Variants in ZNF335 observed in about 807,000 individuals in gnomAD.
ZNF335 encodes the protein zinc finger protein 335.
Under a neutral mutation model 145.6 loss-of-function variants are expected in ZNF335, and 84 were observed. The observed-to-expected ratio is 0.58, with a 90% CI of 0.48 to 0.69. ZNF335 has a LOEUF of 0.69. Ranked by LOEUF, ZNF335 falls within the 30% of genes least tolerant of loss-of-function variation. The probability of loss-of-function intolerance (pLI) is 0.00; values close to 1 mark genes in which losing one functional copy is unlikely to be tolerated. For synonymous variants in ZNF335, 761 were observed against 717.0 expected (o/e 1.06, Z -0.98); for missense variants, 1,865 against 1,809.7 (o/e 1.03, Z -0.55).
intron 20 of ZNF335, among the ~76,000 whole-genome samples, chr20:45,951,646 CT>C (rs1458745461): frequency 6.6e-6 from 1 of 152,256 alleles, no homozygotes; most frequent in African/African-American, 2.4e-5. Flanking sequence ...ACTAATGCAG[CT>C]GCTGTGACAG....
Position 45,962,129 on chromosome 20 carries a change from G to C in ZNF335, c.1587C>G (p.Ser529Arg). 6.2e-7 allele frequency: 1 copy of C among 1,612,370 alleles called. No individual in the cohort carries two copies. The change falls in exon 10 of 28, where the codon AGC becomes AGG. Residue 529 changes from serine to arginine, a missense_variant. Ser to Arg is a moderately radical substitution (Grantham distance 110). Coordinates refer to ENST00000322927, the MANE Select transcript of ZNF335 (RefSeq NM_022095.4). ...GSKPYKCDEC[S>R]YTSVYRKDVI... ...CGTCCTTCCGGTAGACACTGGTGTA[G>C]CTGCACTCGTCACACTTGTAGGGCT...
chr20:45,966,590 G>T (rs529250146), intron 6 of ZNF335, among the ~76,000 whole-genome samples: 1 of 146,160 alleles, frequency 6.8e-6, no homozygotes, highest in African/African-American at 2.6e-5. Context: ...TTGCTCTGTC[G>T]CCCAGGCTGG....
rs74424749 is a variant in ZNF335, at chr20:45,962,197, A to G, written c.1534-15T>C. On this transcript the variant is annotated splice_polypyrimidine_tract_variant and intron_variant, in intron 9 of 27. Transcript: ENST00000322927. Reference sequence around the variant, plus strand: ...AACATGTGCTCCTGGGAGACAGACAAAAGGATGGTGGGCTGGGGCTTGGCC... The same window carrying G: ...AACATGTGCTCCTGGGAGACAGACAGAAGGATGGTGGGCTGGGGCTTGGCC... 1.2e-6 allele frequency: 2 copies of G among 1,609,190 alleles called. No homozygotes were observed. Among genetic ancestry groups the G allele is most frequent in the African/African-American group, 2.7e-5 (2 of 74,938 alleles).
At position 45,971,117 on chromosome 20, in the gene ZNF335, A is replaced by T. The variant is rs1600555104; in HGVS notation, c.201+93T>A. ...TCACAGTAAACCAGAAACACCAAGTATTAGCTACAAACAAGCCTTGTTTCC... is the reference window on the plus strand; with the variant it reads ...TCACAGTAAACCAGAAACACCAAGTTTTAGCTACAAACAAGCCTTGTTTCC... On this transcript the variant is annotated intron_variant, in intron 2 of 27. Transcript: ENST00000322927. 5.6e-6 allele frequency: 8 copies of T among 1,436,438 alleles called. No individual in the cohort carries two copies. In the South Asian group the frequency reaches 1.2e-4, roughly 21 times the overall value. The allele number at this position is 1,436,438 out of a possible 1,614,324, so 89.0% of individuals were successfully genotyped here. A position where few individuals can be genotyped will look rare whatever the true frequency, so the allele number is the denominator to read the frequency against.
At position 45,963,603 on chromosome 20, in the gene ZNF335, C is replaced by T. The variant is rs200688965; in HGVS notation, c.1403G>A (p.Arg468His). 6.2e-5 allele frequency: 100 copies of T among 1,614,178 alleles called. No homozygotes were observed. In the African/African-American group the frequency reaches 1.0e-3, roughly 16 times the overall value. Residue 468 changes from arginine (R) to histidine (H), a missense_variant, in exon 9 of 28, where the codon CGC (arginine) becomes CAC (histidine). Physicochemically the swap from Arg to His is conservative, Grantham distance 29. Transcript: ENST00000322927. ...PKPLLRPFLC[R>H]ICGSRFLSHE... ...GGACAGAAAGCGAGAACCACAGATG[C>T]GGCACAGGAAGGGCCTCAAAAGTGG...
intron 6 of ZNF335, chr20:45,966,725 G>A: frequency 6.6e-6 from 1 of 151,306 alleles, no homozygotes; most frequent in East Asian, 2.0e-4. Context: ...CTAATTTTTT[G>A]TATTTTTAGT....
Position 45,950,240 on chromosome 20 carries a change from C to T in ZNF335, c.3466G>A (p.Glu1156Lys), listed in dbSNP as rs138861551. ...TCACTGTGCAGGGTGGCCAGTGTTTCGTCATCACTGTTCAGGATGATGGTC... is the reference window on the plus strand; with the variant it reads ...TCACTGTGCAGGGTGGCCAGTGTTTTGTCATCACTGTTCAGGATGATGGTC... ...TQTIILNSDD[E>K]TLATLHTALQ... The change falls in exon 22 of 28, where the codon GAA (glutamate) becomes AAA (lysine). Residue 1156 changes from glutamate (E) to lysine (K), a missense_variant. Coordinates refer to ENST00000322927, the MANE Select transcript of ZNF335 (RefSeq NM_022095.4). The T allele has an allele frequency of 2.1e-5, 32 of 1,546,796 alleles. No homozygotes were observed. The Middle Eastern group carries it at 8.9e-4, about 43-fold the overall frequency.
chr20:45,967,422 T>TC, intron 6 of ZNF335, 72 bp downstream of exon 6: 1 of 1,612,472 alleles, frequency 6.2e-7, no homozygotes. Context: ...TTACTGGCCC[T>TC]CCAAGTGAAA....
Position 45,949,068 on chromosome 20 carries a change from G to C in ZNF335, c.3914C>G (p.Ala1305Gly). 1.9e-6 allele frequency: 3 copies of C among 1,613,758 alleles called. No individual in the cohort carries two copies. The highest frequency in any genetic ancestry group is 1.3e-5 in the African/African-American group (1 of 75,070). ...CAGGCCCTGGGCTTGGGCCATGGCA[G>C]CATCAGCCACTGCTGCCAGGGGAGG... is the stretch of plus-strand genomic sequence containing the variant. Reference protein sequence around the residue: ...AHSAVTAVADAAMAQAQGLFG... With the variant: ...AHSAVTAVADGAMAQAQGLFG... The change falls in exon 28 of 28, where the codon GCT becomes GGT. Residue 1305 changes from alanine (A) to glycine (G), a missense_variant. Transcript: ENST00000322927.
chr20:45,972,010 C>A, intron 1 of ZNF335, 112 bp downstream of exon 1: 3 of 1,216,120 alleles, frequency 2.5e-6, no homozygotes, highest in South Asian at 2.8e-5. Flanking sequence ...GACCCCGGGG[C>A]CCTGTTCGGA....
intron 2 of ZNF335, 139 bp from the exon 3 acceptor site, chr20:45,969,830 G>A (rs754647052): frequency 1.1e-4 from 136 of 1,193,412 alleles, no homozygotes; most frequent in Non-Finnish European, 1.3e-4. Flanking sequence ...TCAGCCCCAC[G>A]GAGGACCAGT....
In ZNF335 at chr20:45,971,201, G is replaced by C; in HGVS notation, c.201+9C>G. The C allele has an allele frequency of 6.5e-7, 1 of 1,528,772 alleles. No individual in the cohort carries two copies. 94.7% of individuals were successfully genotyped at this position (1,528,772 alleles called of 1,614,324 possible). A position where few individuals can be genotyped will look rare whatever the true frequency, so the allele number is the denominator to read the frequency against. On this transcript the variant is annotated intron_variant, in intron 2 of 27. Transcript: ENST00000322927. ...TGCCTCCACCCACGCCGTCCAGCCG[G>C]GTCCATACCTGAGAACGGCTGCCGC...
chr20:45,950,563 GGGCCGTAGGCTTGA>G lies in ZNF335; in HGVS notation c.3208_3221del (p.Ser1070ProfsTer4). ...CAAAGCTGCACTGGCTACACTGGTG[GGGCCGTAGGCTTGA>G]GTGCTGTGCCATGTGCGCCTGCAGA... On this transcript the variant is annotated frameshift_variant, in exon 21 of 28. Coordinates refer to ENST00000322927, the MANE Select transcript of ZNF335 (RefSeq NM_022095.4). LOFTEE classifies it high-confidence loss of function. 6.2e-7 allele frequency: 1 copy of G among 1,614,104 alleles called. No individual in the cohort carries two copies. The highest frequency in any genetic ancestry group is 8.5e-7 in the Non-Finnish European group (1 of 1,180,042).
At position 45,948,748 on chromosome 20, in the gene ZNF335, T is replaced by C; in HGVS notation, c.*205A>G. 1.4e-6 allele frequency: 1 copy of C among 705,820 alleles called. No individual in the cohort carries two copies. Among genetic ancestry groups the C allele is most frequent in the South Asian group, 1.8e-5 (1 of 55,158 alleles). 43.7% of individuals were successfully genotyped at this position (705,820 alleles called of 1,614,324 possible). On this transcript the variant is annotated 3_prime_UTR_variant, in exon 28 of 28. Transcript: ENST00000322927. ...ATAAATTTCTCTCCCAAAGCCTGCC[T>C]GCAGGCTGGGGCACCCAGCATGTCC...
intron 15 of ZNF335, among the ~76,000 whole-genome samples, chr20:45,958,524 T>C (rs985245782): frequency 2.0e-5 from 3 of 152,206 alleles, no homozygotes; most frequent in African/African-American, 7.2e-5. Flanking sequence ...GGTCCATCTT[T>C]CCAGGGATAG....
chr20:45,967,697 C>G (rs2145414723), intron 5 of ZNF335, 37 bp downstream of exon 5: 1 of 1,608,662 alleles, frequency 6.2e-7, no homozygotes, highest in Non-Finnish European at 8.5e-7. Context: ...CCACCCCTAC[C>G]CATGCAGTCC....
Position 45,960,260 on chromosome 20 carries a change from G to A in ZNF335, c.1968C>T (p.Tyr656=). 1.9e-6 allele frequency: 3 copies of A among 1,614,182 alleles called. No homozygotes were observed. Among genetic ancestry groups the A allele is most frequent in the Non-Finnish European group, 1.7e-6 (2 of 1,180,026 alleles). The part of the protein sequence containing the change: ...DKPFKCSFCP[Y]RTFREDFLLS... The stretch of plus-strand genomic sequence containing the variant: ...GCAAGAAGTCCTCTCGGAAGGTGCG[G>A]TAGGGACAAAAGCTGCATTTGAAGG... The change falls in exon 14 of 28, where the codon TAC becomes TAT. Residue 656 remains tyrosine (Y), a synonymous_variant. Transcript: ENST00000322927.
rs2083676740 is a variant in ZNF335, at chr20:45,953,804, G to A, written c.2587C>T (p.Pro863Ser). ...GGAAAESQLGPPDLPQITLAP... is the reference protein window; with the variant it reads ...GGAAAESQLGSPDLPQITLAP... ...AGGGTGATCTGCGGTAGGTCAGGAGGGCCTAGCTGGCTCTCGGCTGCTGCA... is the reference window on the plus strand; with the variant it reads ...AGGGTGATCTGCGGTAGGTCAGGAGAGCCTAGCTGGCTCTCGGCTGCTGCA... Residue 863 changes from proline (P) to serine (S), a missense_variant, in exon 18 of 28, where the codon CCT (proline) becomes TCT (serine). Transcript: ENST00000322927. 2 of 1,614,022 alleles carry A rather than the reference G, an allele frequency of 1.2e-6. No homozygotes were observed. The highest frequency in any genetic ancestry group is 1.7e-5 in the Admixed American group (1 of 60,012).
intron 17 of ZNF335, 35 bp downstream of exon 17, chr20:45,957,551 A>T (rs1452330560): frequency 6.3e-7 from 1 of 1,596,794 alleles, no homozygotes; most frequent in Non-Finnish European, 8.6e-7. Context: ...TACCTGCGGT[A>T]GCTGGGAAGG....
Sources: allele counts gnomAD v4.1 joint callset (sites outside exome capture counted in the v4.1 genomes callset), GRCh38; gene constraint gnomAD v4.1.1; transcripts MANE v1.5; gene names NCBI Gene and HGNC (gene_info 2026-07-23, HGNC 2026-07-21).